TMEM178B: variants seen among roughly 807,000 people sequenced by gnomAD.
The protein encoded by TMEM178B is transmembrane protein 178B.
Under a neutral mutation model 31.0 loss-of-function variants are expected in TMEM178B, and 5 were observed. The ratio of observed to expected loss-of-function variants is 0.16; its 90% CI spans 0.08 to 0.34. TMEM178B has a LOEUF of 0.34. Ranked by LOEUF, TMEM178B falls within the 10% of genes least tolerant of loss-of-function variation. The pLI, the probability that TMEM178B is intolerant of heterozygous loss-of-function variation, is 1.00. For missense variants in TMEM178B, 275 were observed against 400.3 expected, an observed-to-expected ratio of 0.69 and a Z score of 2.67; for synonymous variants, 164 against 164.0, an observed-to-expected ratio of 1.00 and a Z score of 0.00.
intron 2 of TMEM178B, among the ~76,000 whole-genome samples, chr7:141,426,833 A>G (rs772961961): frequency 2.0e-5 from 3 of 152,146 alleles, no homozygotes; most frequent in Non-Finnish European, 4.4e-5. Flanking sequence ...ATTATAACTA[A>G]TAAACTAATA....
At chr7:141,488,653 T>G in the TMEM178B span, among the ~76,000 whole-genome samples, 478 of 152,210 alleles carry the variant, frequency 3.1e-3, 4 homozygotes, top group African/African-American at 0.011. Flanking sequence ...TTGGCCAGGA[T>G]GGTCTTGATC....
intron 2 of TMEM178B, among the ~76,000 whole-genome samples, chr7:141,386,836 A>T (rs1313137684): frequency 6.6e-6 from 1 of 152,186 alleles, no homozygotes; most frequent in Non-Finnish European, 1.5e-5. Flanking sequence ...AGTGACCTGG[A>T]TGAGGGCAAG....
intron 3 of TMEM178B, among the ~76,000 whole-genome samples, chr7:141,447,021 C>T (rs111815341): frequency 0.018 from 2,729 of 152,066 alleles, 38 homozygotes; most frequent in Middle Eastern, 0.065. Flanking sequence ...GACTGATCAC[C>T]CGTACTCATT....
chr7:141,389,386 T>C (rs371508658), intron 2 of TMEM178B, among the ~76,000 whole-genome samples: 2 of 152,202 alleles, frequency 1.3e-5, no homozygotes, highest in African/African-American at 4.8e-5. Context: ...GTCTAGTAGA[T>C]TGGTTTTGAA....
At chr7:141,466,056 G>A (rs889226111) in intron 3 of TMEM178B, among the ~76,000 whole-genome samples, 2 of 152,092 alleles carry the variant, frequency 1.3e-5, no homozygotes, top group African/African-American at 4.8e-5. Flanking sequence ...ATAAATCCTT[G>A]CTCATAACAG....
At position 141,185,618 on chromosome 7, in the gene TMEM178B, C is replaced by T. The variant is rs562627232; in HGVS notation, c.383-26973C>T. Among the ~76,000 whole-genome samples, 11 of 152,248 alleles carry T rather than the reference C, an allele frequency of 7.2e-5. No individual in the cohort carries two copies. In the Middle Eastern group the frequency reaches 0.014, roughly 188 times the overall value. On this transcript the variant is annotated intron_variant, in intron 1 of 3. Coordinates refer to ENST00000565468, the MANE Select transcript of TMEM178B (RefSeq NM_001195278.2). Reference sequence around the variant, plus strand: ...TCTTCTTCCGCAGATACGTTCCTCTCGACGTCCAGCTGCTTGTGTGTCTTC... The same window carrying T: ...TCTTCTTCCGCAGATACGTTCCTCTTGACGTCCAGCTGCTTGTGTGTCTTC...
At chr7:141,496,466 C>T in the TMEM178B span, among the ~76,000 whole-genome samples, 1 of 151,732 alleles carries the variant, frequency 6.6e-6, no homozygotes, top group East Asian at 1.9e-4. Flanking sequence ...GTCAGGAGAT[C>T]GAGACCATCC....
At chr7:141,347,819 A>G (rs151059529) in intron 2 of TMEM178B, among the ~76,000 whole-genome samples, 4 of 151,894 alleles carry the variant, frequency 2.6e-5, no homozygotes, top group Non-Finnish European at 4.4e-5. Context: ...CCGCACCACC[A>G]ACTGTGGAAT....
chr7:141,292,300 T>C (rs1798559363), intron 2 of TMEM178B, among the ~76,000 whole-genome samples: 1 of 152,240 alleles, frequency 6.6e-6, no homozygotes. Flanking sequence ...TCATATTCTT[T>C]GACATTTTCC....
chr7:141,273,981 G>A (rs216997), intron 2 of TMEM178B, among the ~76,000 whole-genome samples: 26,515 of 152,136 alleles, frequency 0.17, 2,921 homozygotes, highest in African/African-American at 0.32. Flanking sequence ...TGGTTTCTTC[G>A]GCAAACCAAC....
chr7:141,202,979 G>A (rs1460652656), intron 1 of TMEM178B, among the ~76,000 whole-genome samples: 3 of 152,160 alleles, frequency 2.0e-5, no homozygotes, highest in Admixed American at 1.3e-4. Flanking sequence ...TTTCATCACC[G>A]ACCAAGTTTC....
At chr7:141,413,052 G>A (rs945592868) in intron 2 of TMEM178B, among the ~76,000 whole-genome samples, 1 of 152,300 alleles carries the variant, frequency 6.6e-6, no homozygotes, top group Non-Finnish European at 1.5e-5. Context: ...CTCTACCTCA[G>A]TGTCATTTTG....
At chr7:141,160,148 C>A (rs973846004) in intron 1 of TMEM178B, among the ~76,000 whole-genome samples, 1 of 151,668 alleles carries the variant, frequency 6.6e-6, no homozygotes, top group Non-Finnish European at 1.5e-5. Flanking sequence ...TTTTGCTGCA[C>A]CCATCACCCG....
At chr7:141,267,593 A>C (rs958715717) in intron 2 of TMEM178B, among the ~76,000 whole-genome samples, 1 of 152,240 alleles carries the variant, frequency 6.6e-6, no homozygotes, top group African/African-American at 2.4e-5. Flanking sequence ...GACATCAAGC[A>C]TCAGGCTGGA....
intron 2 of TMEM178B, among the ~76,000 whole-genome samples, chr7:141,314,709 T>G (rs1798972279): frequency 6.6e-6 from 1 of 152,200 alleles, no homozygotes; most frequent in Admixed American, 6.5e-5. Context: ...CTCTTCTACC[T>G]TTATGACTGC....
At chr7:141,505,657 C>A in the TMEM178B span, among the ~76,000 whole-genome samples, 1 of 152,224 alleles carries the variant, frequency 6.6e-6, no homozygotes, top group African/African-American at 2.4e-5. Flanking sequence ...GCCTGCCGAA[C>A]AGGACTGGGG....
intron 2 of TMEM178B, among the ~76,000 whole-genome samples, chr7:141,248,116 G>C (rs1295428644): frequency 6.6e-6 from 1 of 151,924 alleles, no homozygotes; most frequent in African/African-American, 2.4e-5. Context: ...ATGGCTTAAA[G>C]ATGGGGATAC....
intron 2 of TMEM178B, among the ~76,000 whole-genome samples, chr7:141,247,737 T>C (rs1797761547): frequency 6.6e-6 from 1 of 152,204 alleles, no homozygotes; most frequent in Admixed American, 6.5e-5. Context: ...TGTCAGGTAA[T>C]GTAGGATGCC....
intron 2 of TMEM178B, among the ~76,000 whole-genome samples, chr7:141,383,888 T>C (rs957059639): frequency 6.6e-5 from 10 of 152,238 alleles, no homozygotes; most frequent in Non-Finnish European, 1.5e-4. Context: ...TGTTGTTTCC[T>C]GACTTTTTAA....
Sources: gnomAD v4.1 joint callset for allele counts (sites outside exome capture counted in the v4.1 genomes callset) on GRCh38, gnomAD v4.1.1 for gene constraint, MANE v1.5 for transcripts, NCBI Gene and HGNC (gene_info 2026-07-23, HGNC 2026-07-21) for gene names.